Variants in DMD observed in about 807,000 individuals in gnomAD.
DMD encodes dystrophin, also known as mutant dystrophin.
DMD carries 63 observed loss-of-function variants against 330.1 expected under a neutral mutation model. The observed-to-expected ratio is 0.19, with a 90% CI of 0.16 to 0.24. The LOEUF (loss-of-function observed/expected upper bound fraction) is 0.24, where lower values mean the gene tolerates loss of function less well. DMD is among the 10% of genes least tolerant of loss of function. DMD has a pLI of 1.00. For synonymous variants in DMD, 1,223 were observed against 959.8 expected (o/e 1.27, Z -5.07); for missense variants, 3,344 against 2,684.1 (o/e 1.25, Z -5.43).
At chrX:32,227,653 G>A (rs913996632) in intron 43 of DMD, among the ~76,000 whole-genome samples, 2 of 109,176 alleles carry the variant, frequency 1.8e-5, no homozygotes. Context: ...ACCAGACTTC[G>A]CCACTCTGCA....
intron 1 of DMD, among the ~76,000 whole-genome samples, chrX:33,123,466 G>A (rs1417214058): frequency 3.6e-5 from 4 of 111,023 alleles, no homozygotes; most frequent in South Asian, 3.9e-4. Flanking sequence ...GCCCAGGCTG[G>A]AGTGCAGGGG....
chrX:32,739,592 G>T (rs1397627045), intron 7 of DMD, among the ~76,000 whole-genome samples: 1 of 111,809 alleles, frequency 8.9e-6, no homozygotes, highest in East Asian at 2.8e-4. Context: ...AAATAATACA[G>T]CAATTTTGGG....
At chrX:31,851,921 G>A (rs776786691) in intron 48 of DMD, among the ~76,000 whole-genome samples, 1 of 111,330 alleles carries the variant, frequency 9.0e-6, no homozygotes, top group South Asian at 3.8e-4. Flanking sequence ...AACGATTCAA[G>A]TAGCTATCTC....
intron 2 of DMD, among the ~76,000 whole-genome samples, chrX:32,950,980 A>C (rs137998956): frequency 0.021 from 2,315 of 110,496 alleles, 20 homozygotes; most frequent in Non-Finnish European, 0.028. Context: ...GGTTGGTTGA[A>C]CCTCCTAAAG....
At chrX:32,506,211 G>A (rs1041215850) in intron 18 of DMD, among the ~76,000 whole-genome samples, 1 of 111,244 alleles carries the variant, frequency 9.0e-6, no homozygotes, top group African/African-American at 3.3e-5. Context: ...AAGTTCATCT[G>A]TTGAAACAAA....
At chrX:33,102,007 C>A (rs940830245) in intron 1 of DMD, among the ~76,000 whole-genome samples, 1 of 111,838 alleles carries the variant, frequency 8.9e-6, no homozygotes, top group Non-Finnish European at 1.9e-5. Context: ...CAAATGATTT[C>A]AAGTTGACGT....
At chrX:32,720,191 T>C (rs1392483822) in intron 7 of DMD, among the ~76,000 whole-genome samples, 1 of 110,974 alleles carries the variant, frequency 9.0e-6, no homozygotes, top group Non-Finnish European at 1.9e-5. Context: ...ACCACAATTC[T>C]TTATTGTTGT....
At chrX:32,325,086 T>A (rs111382833) in intron 41 of DMD, among the ~76,000 whole-genome samples, 2 of 111,483 alleles carry the variant, frequency 1.8e-5, no homozygotes, top group Admixed American at 1.9e-4. Context: ...TAAAGCAGTA[T>A]TTTTTAAAAA....
chrX:31,252,897 A>C (rs757025916), intron 63 of DMD, among the ~76,000 whole-genome samples: 1 of 111,715 alleles, frequency 9.0e-6, no homozygotes, highest in South Asian at 3.8e-4. Context: ...CTGCTGAGGC[A>C]GGAGAATCGC....
intron 54 of DMD, among the ~76,000 whole-genome samples, chrX:31,654,735 A>T (rs988156723): frequency 1.8e-5 from 2 of 110,938 alleles, no homozygotes; most frequent in Non-Finnish European, 3.8e-5. Context: ...GTAGAGGGGA[A>T]CAACACATGC....
At chrX:31,235,821 CAAAG>C (rs1230129692) in intron 63 of DMD, among the ~76,000 whole-genome samples, 1 of 112,141 alleles carries the variant, frequency 8.9e-6, no homozygotes, top group East Asian at 2.8e-4. Flanking sequence ...GGAATTGGGA[CAAAG>C]AGAGAAAGAA....
intron 1 of DMD, among the ~76,000 whole-genome samples, chrX:33,041,034 A>G (rs964093735): frequency 1.8e-5 from 2 of 112,806 alleles, no homozygotes; most frequent in African/African-American, 6.4e-5. Flanking sequence ...AAATGATGCA[A>G]TGGAATTGCT....
chrX:33,279,089 C>T (rs1379254232), intron 1 of DMD, among the ~76,000 whole-genome samples: 1 of 111,859 alleles, frequency 8.9e-6, no homozygotes, highest in Non-Finnish European at 1.9e-5. Context: ...CATCTACATA[C>T]TACTTTACCC....
chrX:33,329,377 T>C (rs2054137130), intron 1 of DMD, among the ~76,000 whole-genome samples: 1 of 112,274 alleles, frequency 8.9e-6, no homozygotes, highest in African/African-American at 3.2e-5. Context: ...AAGATGAGTA[T>C]TTCACTATTC....
At chrX:31,151,617 T>C (rs2037426793) in intron 74 of DMD, among the ~76,000 whole-genome samples, 1 of 112,621 alleles carries the variant, frequency 8.9e-6, no homozygotes, top group South Asian at 3.6e-4. Context: ...TCTGTTTTGG[T>C]GGTTTCCAGT....
intron 41 of DMD, among the ~76,000 whole-genome samples, chrX:32,341,433 C>A (rs2097741975): frequency 8.9e-6 from 1 of 111,827 alleles, no homozygotes. Context: ...AAAGAGAGAA[C>A]CATACACTTT....
At chrX:31,807,029 A>C (rs1490601177) in intron 50 of DMD, among the ~76,000 whole-genome samples, 1 of 111,931 alleles carries the variant, frequency 8.9e-6, no homozygotes, top group Non-Finnish European at 1.9e-5. Flanking sequence ...GGCAAAGGGA[A>C]GTATGAACAT....
At chrX:31,548,427 G>A (rs1029658006) in intron 55 of DMD, among the ~76,000 whole-genome samples, 3 of 111,418 alleles carry the variant, frequency 2.7e-5, no homozygotes, top group African/African-American at 9.8e-5. Context: ...CAAAAGTAGT[G>A]AAAATGTTGT....
chrX:32,155,475 G>C lies in DMD; in HGVS notation c.6438+61441C>G, dbSNP rs398124031. ...AGCTTTGCCATTGCTAGTGTGAAGAGAAAGAGCTGCTGGGATGCTGAATGG... is the reference window on the plus strand; with the variant it reads ...AGCTTTGCCATTGCTAGTGTGAAGACAAAGAGCTGCTGGGATGCTGAATGG... On this transcript the variant is annotated intron_variant, in intron 44 of 78. Coordinates refer to ENST00000357033, the MANE Select transcript of DMD (RefSeq NM_004006.3). 141 of 745,645 alleles carry C rather than the reference G, an allele frequency of 1.9e-4. No homozygotes were observed. Among genetic ancestry groups the C allele is most frequent in the Non-Finnish European group, 2.1e-4 (135 of 632,528 alleles). The allele number at this position is 745,645 out of a possible 1,213,427, so 61.4% of individuals were successfully genotyped here. A position where few individuals can be genotyped will look rare whatever the true frequency, so the allele number is the denominator to read the frequency against.
Sources: allele counts gnomAD v4.1 joint callset (sites outside exome capture counted in the v4.1 genomes callset), GRCh38; gene constraint gnomAD v4.1.1; transcripts MANE v1.5; gene names NCBI Gene and HGNC (gene_info 2026-07-23, HGNC 2026-07-21).